The following RIMS1 variants were observed in gnomAD, a reference collection of about 807,000 sequenced individuals.
RIMS1 encodes the protein regulating synaptic membrane exocytosis protein 1.
A neutral mutation model predicts 214.1 loss-of-function variants in RIMS1; 83 were observed. The observed-to-expected ratio is 0.39, with a 90% CI of 0.32 to 0.47. RIMS1 has a LOEUF of 0.47. Among genes scored for constraint, RIMS1 ranks in the 20% least tolerant of loss-of-function variants. The pLI, the probability that RIMS1 is intolerant of heterozygous loss-of-function variation, is 0.99. For synonymous variants in RIMS1, 793 were observed against 786.8 expected, an observed-to-expected ratio of 1.01 and a Z score of -0.13; for missense variants, 2,050 against 2,161.8, an observed-to-expected ratio of 0.95 and a Z score of 1.03.
chr6:71,935,009 A>G (rs941328304), intron 1 of RIMS1, among the ~76,000 whole-genome samples: 14 of 152,324 alleles, frequency 9.2e-5, no homozygotes, highest in South Asian at 4.1e-4. Flanking sequence ...GACCAGTGAT[A>G]AAGTAAGCAA....
chr6:72,226,591 C>T (rs910382129), intron 6 of RIMS1, among the ~76,000 whole-genome samples: 3 of 151,928 alleles, frequency 2.0e-5, no homozygotes, highest in African/African-American at 7.2e-5. Flanking sequence ...AAGCTTACAA[C>T]CTATTAGAAA....
intron 2 of RIMS1, among the ~76,000 whole-genome samples, chr6:72,051,800 T>C (rs1376546837): frequency 6.6e-6 from 1 of 152,202 alleles, no homozygotes; most frequent in Non-Finnish European, 1.5e-5. Flanking sequence ...CCTTCTGTTG[T>C]CTAATTAACT....
At chr6:72,344,567 G>T (rs1365346633) in intron 29 of RIMS1, among the ~76,000 whole-genome samples, 1 of 151,734 alleles carries the variant, frequency 6.6e-6, no homozygotes, top group East Asian at 1.9e-4. Context: ...AATGGCACAA[G>T]AAAAACATTC....
At chr6:71,909,125 G>A (rs866339136) in intron 1 of RIMS1, among the ~76,000 whole-genome samples, 1 of 152,184 alleles carries the variant, frequency 6.6e-6, no homozygotes, top group Non-Finnish European at 1.5e-5. Context: ...GAGCAGATGG[G>A]ACTACAGGCA....
chr6:72,115,040 A>G (rs1330218302), intron 4 of RIMS1, among the ~76,000 whole-genome samples: 1 of 151,980 alleles, frequency 6.6e-6, no homozygotes, highest in Non-Finnish European at 1.5e-5. Context: ...AAGTGGAAAC[A>G]GATAAATTTT....
rs140835827 is a variant in RIMS1 at position 72,162,466 on chromosome 6, C to G, written c.472-17109C>G. ...TGGTTATTTTGCTTGTTAGTTGATG[C>G]AGTTTCTTCCTAGCCTTGATGGTCT... On this transcript the variant is annotated intron_variant, in intron 4 of 33. Coordinates refer to ENST00000521978, the MANE Select transcript of RIMS1 (RefSeq NM_014989.7). 8.0e-3 allele frequency among the ~76,000 whole-genome samples: 1,128 copies of G among 140,718 alleles called. 105 individuals carry two copies. The highest frequency in any genetic ancestry group is 0.024 in the African/African-American group (991 of 40,688). 92.3% of individuals were successfully genotyped at this position (140,718 alleles called of 152,430 possible). A position where few individuals can be genotyped will look rare whatever the true frequency, so the allele number is the denominator to read the frequency against.
intron 4 of RIMS1, among the ~76,000 whole-genome samples, chr6:72,172,456 A>C (rs1283757208): frequency 6.6e-6 from 1 of 152,150 alleles, no homozygotes; most frequent in African/African-American, 2.4e-5. Context: ...TATTTGGGCT[A>C]ATAAACTCTT....
intron 29 of RIMS1, among the ~76,000 whole-genome samples, chr6:72,341,913 G>C (rs1343416766): frequency 6.6e-6 from 1 of 151,742 alleles, no homozygotes; most frequent in African/African-American, 2.4e-5. Flanking sequence ...ACAAGATGTT[G>C]ATGTTTATAT....
intron 28 of RIMS1, among the ~76,000 whole-genome samples, chr6:72,321,655 C>T (rs1264355671): frequency 7.9e-5 from 12 of 152,076 alleles, no homozygotes; most frequent in Non-Finnish European, 1.8e-4. Flanking sequence ...TTATCACTCC[C>T]CTAAGGGATC....
intron 2 of RIMS1, among the ~76,000 whole-genome samples, chr6:72,046,045 A>G (rs117201443): frequency 2.0e-5 from 3 of 152,230 alleles, no homozygotes; most frequent in East Asian, 3.9e-4. Context: ...TTAAAAAATT[A>G]TCACTGCTAA....
chr6:72,308,051 A>G (rs1180835655), intron 27 of RIMS1, among the ~76,000 whole-genome samples: 1 of 152,130 alleles, frequency 6.6e-6, no homozygotes, highest in Non-Finnish European at 1.5e-5. Context: ...AGTCTTAAGT[A>G]CAACTTTGGA....
intron 28 of RIMS1, 130 bp from the exon 29 acceptor site, chr6:72,333,470 A>G: frequency 1.5e-6 from 1 of 678,620 alleles, no homozygotes; most frequent in Non-Finnish European, 2.6e-6. Context: ...GTAGGTATAG[A>G]TCCACTACTC....
intron 2 of RIMS1, among the ~76,000 whole-genome samples, chr6:72,005,983 T>A (rs1242650352): frequency 2.6e-5 from 4 of 152,186 alleles, no homozygotes; most frequent in Non-Finnish European, 4.4e-5. Flanking sequence ...GAAATTTATT[T>A]TTCACAGTTT....
intron 4 of RIMS1, among the ~76,000 whole-genome samples, chr6:72,145,254 A>G (rs2042587374): frequency 6.6e-6 from 1 of 152,150 alleles, no homozygotes; most frequent in Admixed American, 6.5e-5. Context: ...TCAAATACCT[A>G]TGAATTGGGT....
At chr6:72,267,615 C>A (rs1383534901) in intron 22 of RIMS1, among the ~76,000 whole-genome samples, 1 of 152,122 alleles carries the variant, frequency 6.6e-6, no homozygotes, top group African/African-American at 2.4e-5. Context: ...TGCACCACTC[C>A]CACTTTGGAC....
intron 23 of RIMS1, among the ~76,000 whole-genome samples, chr6:72,277,530 C>G (rs1309062177): frequency 2.7e-5 from 4 of 150,804 alleles, no homozygotes; most frequent in South Asian, 2.1e-4. Context: ...TGCAGTGAGC[C>G]GACATCGCGC....
intron 29 of RIMS1, among the ~76,000 whole-genome samples, chr6:72,353,341 C>T (rs994853872): frequency 6.6e-6 from 1 of 152,100 alleles, no homozygotes; most frequent in Non-Finnish European, 1.5e-5. Context: ...TCTTATGTTA[C>T]TGTAAAATTT....
intron 29 of RIMS1, among the ~76,000 whole-genome samples, chr6:72,364,895 G>A (rs1742843436): frequency 6.6e-6 from 1 of 152,170 alleles, no homozygotes; most frequent in South Asian, 2.1e-4. Context: ...ACTTCTTCAG[G>A]CCTGCTTTCC....
intron 24 of RIMS1, 33 bp from the exon 25 acceptor site, chr6:72,290,646 G>T: frequency 1.3e-6 from 2 of 1,593,302 alleles, no homozygotes; most frequent in South Asian, 2.3e-5. Context: ...TGAACCTGCT[G>T]ACTGAAGATC....
Sources: allele counts gnomAD v4.1 joint callset (sites outside exome capture counted in the v4.1 genomes callset), GRCh38; gene constraint gnomAD v4.1.1; transcripts MANE v1.5; gene names NCBI Gene and HGNC (gene_info 2026-07-23, HGNC 2026-07-21).